Variants in TNR observed in about 807,000 individuals in gnomAD.
The protein encoded by TNR is tenascin-R.
Under a neutral mutation model 150.4 loss-of-function variants are expected in TNR, and 45 were observed. The ratio of observed to expected loss-of-function variants is 0.30; its 90% CI spans 0.24 to 0.38. TNR has a LOEUF of 0.38. TNR is among the 10% of genes least tolerant of loss of function. The pLI is 1.00. For missense variants in TNR, 1,544 were observed against 1,759.1 expected, an observed-to-expected ratio of 0.88 and a Z score of 2.19; for synonymous variants, 687 against 678.4, an observed-to-expected ratio of 1.01 and a Z score of -0.20.
At chr1:175,476,643 A>C (rs530228095) in intron 2 of TNR, among the ~76,000 whole-genome samples, 3 of 152,096 alleles carry the variant, frequency 2.0e-5, no homozygotes, top group Non-Finnish European at 4.4e-5. Flanking sequence ...ACAATAAAAA[A>C]CCTAACAGTC....
chr1:175,411,861 T>C (rs1041217241), intron 2 of TNR, among the ~76,000 whole-genome samples: 3 of 152,130 alleles, frequency 2.0e-5, no homozygotes, highest in African/African-American at 7.2e-5. Context: ...ATTCAGCCCA[T>C]AACAAATACT....
At chr1:175,442,414 G>A (rs1655835275) in intron 2 of TNR, among the ~76,000 whole-genome samples, 1 of 148,828 alleles carries the variant, frequency 6.7e-6, no homozygotes. Context: ...CCTGAGGAGA[G>A]GGTGGAAGAT....
At chr1:175,513,917 A>G (rs1659298200) in intron 2 of TNR, among the ~76,000 whole-genome samples, 2 of 152,222 alleles carry the variant, frequency 1.3e-5, no homozygotes, top group Non-Finnish European at 2.9e-5. Context: ...GGTTTGGAGT[A>G]TCTGCATTTC....
At chr1:175,515,411 G>A (rs1557980458) in intron 2 of TNR, among the ~76,000 whole-genome samples, 1 of 152,172 alleles carries the variant, frequency 6.6e-6, no homozygotes, top group African/African-American at 2.4e-5. Flanking sequence ...GTCTAGGTTT[G>A]GGGGTAAAGA....
At chr1:175,737,227 G>T (rs537296258) in intron 1 of TNR, among the ~76,000 whole-genome samples, 2 of 152,206 alleles carry the variant, frequency 1.3e-5, no homozygotes, top group South Asian at 4.2e-4. Context: ...ATTTTCTGTT[G>T]GTTCTGTTCA....
intron 1 of TNR, among the ~76,000 whole-genome samples, chr1:175,666,885 T>C (rs530602843): frequency 6.6e-6 from 1 of 152,312 alleles, no homozygotes; most frequent in African/African-American, 2.4e-5. Context: ...TAGCTAGGAC[T>C]ACAGGCACAC....
At chr1:175,627,965 G>A (rs1388988127) in intron 1 of TNR, among the ~76,000 whole-genome samples, 1 of 152,194 alleles carries the variant, frequency 6.6e-6, no homozygotes, top group South Asian at 2.1e-4. Context: ...TAGTCAGAAT[G>A]AGCCAGGACC....
intron 1 of TNR, among the ~76,000 whole-genome samples, chr1:175,536,761 G>A (rs1272040312): frequency 1.3e-5 from 2 of 152,282 alleles, no homozygotes; most frequent in East Asian, 3.9e-4. Flanking sequence ...ATCTCTTCCA[G>A]GCACCAAAGG....
chr1:175,539,238 C>G (rs1660406062), intron 1 of TNR: 1 of 152,250 alleles, frequency 6.6e-6, no homozygotes, highest in Non-Finnish European at 1.5e-5. Flanking sequence ...CAGTAAATTA[C>G]TGATCACTTA....
intron 1 of TNR, among the ~76,000 whole-genome samples, chr1:175,578,001 C>T (rs1423336859): frequency 6.6e-6 from 1 of 152,152 alleles, no homozygotes; most frequent in African/African-American, 2.4e-5. Flanking sequence ...GAGGAAATTG[C>T]TTTGAAAAGT....
intron 1 of TNR, among the ~76,000 whole-genome samples, chr1:175,631,630 A>C (rs1430859008): frequency 6.6e-6 from 1 of 152,170 alleles, no homozygotes; most frequent in Admixed American, 6.5e-5. Context: ...TTTGCAGGGT[A>C]ATGTGTAGTG....
At position 175,679,296 on chromosome 1, in the gene TNR, G is replaced by C. The variant is rs577969360; in HGVS notation, c.-165+63930C>G. Among the ~76,000 whole-genome samples the C allele has an allele frequency of 1.1e-4, 17 of 152,312 alleles. No homozygotes were observed. The South Asian group carries it at 3.5e-3, about 32-fold the overall frequency. On this transcript the variant is annotated intron_variant, in intron 1 of 22. Transcript: ENST00000367674. ...ACATCCTCCTTGTGCCACGGGGCAG[G>C]CTCCTGGGCCAGACAGCTGGGGCAC...
intron 2 of TNR, among the ~76,000 whole-genome samples, chr1:175,483,484 C>T (rs1657886941): frequency 6.6e-6 from 1 of 152,170 alleles, no homozygotes; most frequent in Non-Finnish European, 1.5e-5. Context: ...CCTGCAAGCA[C>T]TTCAGTATGG....
At chr1:175,340,899 T>C (rs1308893455) in intron 18 of TNR, among the ~76,000 whole-genome samples, 1 of 152,172 alleles carries the variant, frequency 6.6e-6, no homozygotes, top group Non-Finnish European at 1.5e-5. Context: ...CCTCTCCCCC[T>C]CTTTCCCTTT....
intron 21 of TNR, among the ~76,000 whole-genome samples, chr1:175,326,221 AAATTAT>A (rs1344356498): frequency 6.6e-6 from 1 of 152,150 alleles, no homozygotes; most frequent in Non-Finnish European, 1.5e-5. Context: ...GACTGTAATT[AAATTAT>A]AACAGTTTAT....
intron 2 of TNR, among the ~76,000 whole-genome samples, chr1:175,462,002 T>C (rs2102106319): frequency 1.3e-5 from 2 of 152,360 alleles, no homozygotes; most frequent in Admixed American, 1.3e-4. Context: ...ATTTGAAATA[T>C]GGATGTAATA....
intron 1 of TNR, among the ~76,000 whole-genome samples, chr1:175,553,837 C>CACACACACAG (rs1275315406): frequency 6.6e-6 from 1 of 151,628 alleles, no homozygotes; most frequent in Non-Finnish European, 1.5e-5. Context: ...CACACACACA[C>CACACACACAG]ACACACACAC....
chr1:175,611,346 T>C (rs1663591308), intron 1 of TNR, among the ~76,000 whole-genome samples: 1 of 152,138 alleles, frequency 6.6e-6, no homozygotes, highest in Non-Finnish European at 1.5e-5. Context: ...ACTCTTTTTT[T>C]TAAAGACATG....
At chr1:175,443,044 T>C (rs1450140849) in intron 2 of TNR, among the ~76,000 whole-genome samples, 2 of 152,232 alleles carry the variant, frequency 1.3e-5, no homozygotes, top group Non-Finnish European at 2.9e-5. Flanking sequence ...AGGCAACTTG[T>C]AGCTCAATGG....
Sources: allele counts gnomAD v4.1 joint callset (sites outside exome capture counted in the v4.1 genomes callset), GRCh38; gene constraint gnomAD v4.1.1; transcripts MANE v1.5; gene names NCBI Gene and HGNC (gene_info 2026-07-23, HGNC 2026-07-21).